The following REV3L variants were observed in gnomAD, a reference collection of about 807,000 sequenced individuals.
REV3L encodes the protein REV3 like, DNA directed polymerase zeta catalytic subunit, also known as DNA polymerase zeta catalytic subunit.
REV3L carries 69 observed loss-of-function variants against 299.4 expected under a neutral mutation model. The ratio of observed to expected loss-of-function variants is 0.23; its 90% CI spans 0.19 to 0.28. The LOEUF (loss-of-function observed/expected upper bound fraction) is 0.28. Ranked by LOEUF, REV3L falls within the 10% of genes least tolerant of loss-of-function variation. The pLI, the probability that REV3L is intolerant of heterozygous loss-of-function variation, is 1.00. For synonymous variants in REV3L, 1,238 were observed against 1,271.4 expected (o/e 0.97, Z 0.56); for missense variants, 3,128 against 3,693.8 (o/e 0.85, Z 3.97).
At position 111,373,495 on chromosome 6, in the gene REV3L, A is replaced by C. The variant is rs375668065; in HGVS notation, c.4860T>G (p.Ser1620Arg). The change falls in exon 13 of 32, where the codon AGT becomes AGG. Residue 1620 changes from serine (S) to arginine (R), a missense_variant. Around this residue, in one of 9 missense-constraint regions of REV3L, gnomAD observed 2,409 missense variants for 2,611.8 expected, o/e 0.92. Coordinates refer to ENST00000368802, the MANE Select transcript of REV3L (RefSeq NM_001372078.1). ...AGCCTGGATCTGAAAAAAAGATGGG[A>C]CTATCATCTGATACAGAGTTATCCA... ...SQLDNSVSDD[S>R]PIFFSDPGFE... 6.3e-5 allele frequency: 102 copies of C among 1,613,284 alleles called. No homozygotes were observed. The highest frequency in any genetic ancestry group is 7.9e-5 in the Non-Finnish European group (93 of 1,179,812).
chr6:111,309,784 T>C (rs1582447518), intron 30 of REV3L, 69 bp downstream of exon 30: 2 of 1,540,440 alleles, frequency 1.3e-6, no homozygotes, highest in East Asian at 4.6e-5. Flanking sequence ...ATAAAACCTT[T>C]AGTTCTACTG....
chr6:111,326,105 C>CT (rs1774771453), intron 25 of REV3L, among the ~76,000 whole-genome samples: 1 of 151,948 alleles, frequency 6.6e-6, no homozygotes, highest in Non-Finnish European at 1.5e-5. Context: ...GGATTTTATT[C>CT]TTTTTTAGGG....
chr6:111,363,347 C>T (rs147623219), intron 16 of REV3L, among the ~76,000 whole-genome samples: 197 of 152,170 alleles, frequency 1.3e-3, no homozygotes, highest in Middle Eastern at 6.8e-3. Context: ...TGTCTGTAGC[C>T]CAGGCTGGAG....
intron 31 of REV3L, 26 bp downstream of exon 31, chr6:111,307,335 T>C (rs1264565486): frequency 1.3e-6 from 2 of 1,593,246 alleles, no homozygotes; most frequent in East Asian, 4.5e-5. Context: ...TGCTTGTGAT[T>C]CTGGGCCCAT....
intron 4 of REV3L, among the ~76,000 whole-genome samples, chr6:111,396,135 TCCTA>T (rs752688975): frequency 5.3e-5 from 8 of 152,068 alleles, no homozygotes; most frequent in Non-Finnish European, 8.8e-5. Context: ...CAAGCCATCC[TCCTA>T]CCTAAGTCTC....
intron 31 of REV3L, among the ~76,000 whole-genome samples, chr6:111,305,845 A>G (rs1287162439): frequency 2.0e-5 from 3 of 152,144 alleles, no homozygotes; most frequent in Non-Finnish European, 4.4e-5. Context: ...GGCTGCTGCC[A>G]TCAGGACAGA....
intron 1 of REV3L, among the ~76,000 whole-genome samples, chr6:111,434,425 T>A (rs1378688847): frequency 6.6e-6 from 1 of 151,578 alleles, no homozygotes; most frequent in African/African-American, 2.4e-5. Flanking sequence ...CCATCCTGGC[T>A]AACATGGTGA....
intron 18 of REV3L, among the ~76,000 whole-genome samples, chr6:111,352,163 C>T (rs138780452): frequency 0.036 from 5,490 of 151,942 alleles, 327 homozygotes; most frequent in African/African-American, 0.12. Context: ...CCCCACACCA[C>T]GCCCGGCTAA....
intron 21 of REV3L, among the ~76,000 whole-genome samples, chr6:111,335,851 TA>T (rs1775839948): frequency 6.6e-6 from 1 of 152,152 alleles, no homozygotes; most frequent in African/African-American, 2.4e-5. Context: ...GATTAGGTGG[TA>T]AGATTAAGGA....
intron 29 of REV3L, chr6:111,310,784 C>T: frequency 3.3e-6 from 1 of 306,094 alleles, no homozygotes. Context: ...TTTGGTAGAA[C>T]AATATTAAGG....
At chr6:111,385,440 A>C (rs544232280) in intron 9 of REV3L, among the ~76,000 whole-genome samples, 1 of 152,294 alleles carries the variant, frequency 6.6e-6, no homozygotes, top group African/African-American at 2.4e-5. Flanking sequence ...AAATGCATTA[A>C]AGACCTAAAT....
intron 16 of REV3L, among the ~76,000 whole-genome samples, chr6:111,360,375 G>A (rs1319771096): frequency 6.6e-6 from 1 of 151,976 alleles, no homozygotes; most frequent in Non-Finnish European, 1.5e-5. Flanking sequence ...AAAGTAGGAG[G>A]GAAGCTTACT....
chr6:111,418,606 G>C (rs994324008), intron 1 of REV3L, among the ~76,000 whole-genome samples: 1 of 152,122 alleles, frequency 6.6e-6, no homozygotes, highest in African/African-American at 2.4e-5. Context: ...GGAGGTTAAC[G>C]TTCCCAAAGT....
chr6:111,382,810 C>T (rs898838573), intron 9 of REV3L, among the ~76,000 whole-genome samples: 1 of 152,032 alleles, frequency 6.6e-6, no homozygotes, highest in Non-Finnish European at 1.5e-5. Flanking sequence ...CTTCACAGTC[C>T]CAGGCAGCAC....
At chr6:111,357,669 G>A (rs954032562) in intron 17 of REV3L, among the ~76,000 whole-genome samples, 5 of 151,942 alleles carry the variant, frequency 3.3e-5, no homozygotes, top group Admixed American at 3.3e-4. Flanking sequence ...CTCCAACCTG[G>A]GCAACAGAGC....
At chr6:111,301,747 G>A (rs934002726) in intron 31 of REV3L, among the ~76,000 whole-genome samples, 1 of 152,042 alleles carries the variant, frequency 6.6e-6, no homozygotes, top group Non-Finnish European at 1.5e-5. Flanking sequence ...TTTTTAAAAA[G>A]AGAAGCACTA....
At chr6:111,344,343 A>C (rs1413689316) in intron 20 of REV3L, among the ~76,000 whole-genome samples, 1 of 120,810 alleles carries the variant, frequency 8.3e-6, no homozygotes, top group Non-Finnish European at 2.1e-5. Flanking sequence ...CTCCATGATA[A>C]TATACATATT....
intron 1 of REV3L, among the ~76,000 whole-genome samples, chr6:111,481,935 C>G (rs1225346657): frequency 1.3e-5 from 2 of 152,128 alleles, no homozygotes; most frequent in Non-Finnish European, 2.9e-5. Context: ...AAACGCAATC[C>G]TACAGCCCAG....
Position 111,299,419 on chromosome 6 carries a change from T to C in REV3L, c.*597A>G, listed in dbSNP as rs1771233843. On this transcript the variant is annotated 3_prime_UTR_variant, in exon 32 of 32. Transcript: ENST00000368802. The stretch of plus-strand genomic sequence containing the variant: ...GCATTTTTTAAAAAAAAATAATGTT[T>C]CAAAATGCTACACGTGGTACTACTG... 6.6e-6 allele frequency: 1 copy of C among 152,412 alleles called. No individual in the cohort carries two copies. Among genetic ancestry groups the C allele is most frequent in the Non-Finnish European group, 1.5e-5 (1 of 68,008 alleles). 9.4% of individuals were successfully genotyped at this position (152,412 alleles called of 1,614,324 possible).
Sources: gnomAD v4.1 joint callset for allele counts (sites outside exome capture counted in the v4.1 genomes callset) on GRCh38, gnomAD v4.1.1 for gene constraint, gnomAD v4.1.1 regional missense constraint, MANE v1.5 for transcripts, NCBI Gene and HGNC (gene_info 2026-07-23, HGNC 2026-07-21) for gene names.